The following GLIS3 variants were observed in gnomAD, a reference collection of about 807,000 sequenced individuals.
GLIS3 encodes the protein GLIS family zinc finger 3.
Under a neutral mutation model 78.6 loss-of-function variants are expected in GLIS3, and 53 were observed. That is an observed-to-expected ratio of 0.67 (90% CI 0.54 to 0.85). The LOEUF is 0.85. GLIS3 is among the 40% of genes least tolerant of loss of function. The pLI is 0.00. For missense variants in GLIS3, 1,703 were observed against 1,231.1 expected (o/e 1.38, Z -5.74); for synonymous variants, 684 against 509.9 (o/e 1.34, Z -4.60).
intron 4 of GLIS3, among the ~76,000 whole-genome samples, chr9:4,047,788 C>G (rs142864778): frequency 6.6e-6 from 1 of 152,098 alleles, no homozygotes. Flanking sequence ...AAGACATGAA[C>G]CTGGGTGTTA....
chr9:4,321,339 G>T (rs111605891), intron 2 of GLIS3, among the ~76,000 whole-genome samples: 13 of 123,668 alleles, frequency 1.1e-4, no homozygotes, highest in African/African-American at 4.5e-4. Flanking sequence ...GGAGAATGGC[G>T]TGAACCCAGG....
chr9:4,021,009 G>A (rs1226311186), intron 4 of GLIS3, among the ~76,000 whole-genome samples: 1 of 152,208 alleles, frequency 6.6e-6, no homozygotes, highest in Non-Finnish European at 1.5e-5. Flanking sequence ...CAGTTCAGAT[G>A]CAGGACTTGT....
At chr9:4,338,877 A>AT (rs531385807) in intron 2 of GLIS3, among the ~76,000 whole-genome samples, 27 of 151,974 alleles carry the variant, frequency 1.8e-4, no homozygotes, top group African/African-American at 2.2e-4. Flanking sequence ...GAGTCTTGGG[A>AT]TTTTTTTTAA....
intron 4 of GLIS3, among the ~76,000 whole-genome samples, chr9:4,043,392 G>C (rs1239400751): frequency 6.6e-6 from 1 of 152,120 alleles, no homozygotes; most frequent in Non-Finnish European, 1.5e-5. Flanking sequence ...AAGGCAGGTG[G>C]GGTGAGGGTG....
At chr9:4,209,963 T>C (rs1466302167) in intron 2 of GLIS3, among the ~76,000 whole-genome samples, 3 of 152,196 alleles carry the variant, frequency 2.0e-5, no homozygotes, top group Non-Finnish European at 2.9e-5. Context: ...ATCCGTAATG[T>C]TTTCCATCAA....
chr9:3,838,650 T>C (rs1818516787), intron 9 of GLIS3, among the ~76,000 whole-genome samples: 1 of 152,162 alleles, frequency 6.6e-6, no homozygotes, highest in Admixed American at 6.6e-5. Context: ...ACACTCCCTG[T>C]CTAGGTTAAA....
chr9:4,204,181 A>T (rs1445308135), intron 2 of GLIS3, among the ~76,000 whole-genome samples: 3 of 152,226 alleles, frequency 2.0e-5, no homozygotes, highest in African/African-American at 7.2e-5. Context: ...ACTATGAAGG[A>T]AAAGCACTAA....
intron 2 of GLIS3, among the ~76,000 whole-genome samples, chr9:4,179,315 T>C (rs1817086259): frequency 6.6e-6 from 1 of 152,160 alleles, no homozygotes; most frequent in Non-Finnish European, 1.5e-5. Flanking sequence ...CATGCATGCA[T>C]TTTCTTTAAA....
chr9:4,326,557 A>AT (rs963836234), intron 2 of GLIS3, among the ~76,000 whole-genome samples: 6 of 142,626 alleles, frequency 4.2e-5, no homozygotes, highest in Non-Finnish European at 9.6e-5. Flanking sequence ...AATGGGGGTT[A>AT]TTTTTTATAG....
At chr9:4,260,324 T>C (rs1290242386) in intron 2 of GLIS3, among the ~76,000 whole-genome samples, 6 of 152,124 alleles carry the variant, frequency 3.9e-5, no homozygotes, top group Admixed American at 2.0e-4. Context: ...CCCAGCACTT[T>C]GGGAGGCCGA....
At chr9:3,941,461 T>G (rs1815911640) in intron 4 of GLIS3, among the ~76,000 whole-genome samples, 1 of 152,226 alleles carries the variant, frequency 6.6e-6, no homozygotes, top group African/African-American at 2.4e-5. Context: ...TGTGCCATGC[T>G]GGTGCGCTGC....
intron 4 of GLIS3, among the ~76,000 whole-genome samples, chr9:4,046,732 G>A (rs1250534535): frequency 6.6e-6 from 1 of 152,142 alleles, no homozygotes; most frequent in Non-Finnish European, 1.5e-5. Context: ...CCAGGATAAT[G>A]CAGGAACTCT....
chr9:4,121,386 C>T (rs931326649), intron 3 of GLIS3, among the ~76,000 whole-genome samples: 2 of 152,094 alleles, frequency 1.3e-5, no homozygotes, highest in Admixed American at 1.3e-4. Flanking sequence ...TCATTTTTAT[C>T]TTCCCAGTGC....
intron 8 of GLIS3, among the ~76,000 whole-genome samples, chr9:3,871,961 T>A (rs1315973029): frequency 1.3e-5 from 2 of 152,266 alleles, no homozygotes; most frequent in Non-Finnish European, 2.9e-5. Context: ...TAAAACTGAA[T>A]GCTTTTAACA....
intron 2 of GLIS3, among the ~76,000 whole-genome samples, chr9:4,327,601 T>C (rs1817619925): frequency 6.6e-6 from 1 of 152,090 alleles, no homozygotes; most frequent in African/African-American, 2.4e-5. Context: ...AATTCTGAGC[T>C]CTCTGCTTTG....
chr9:4,387,399 T>G, the GLIS3 span, among the ~76,000 whole-genome samples: 1 of 152,290 alleles, frequency 6.6e-6, no homozygotes, highest in South Asian at 2.1e-4. Context: ...TCATTTTGGG[T>G]TTCCGATTTC....
intron 2 of GLIS3, among the ~76,000 whole-genome samples, chr9:4,255,083 A>T (rs1824791076): frequency 6.6e-6 from 1 of 152,246 alleles, no homozygotes; most frequent in South Asian, 2.1e-4. Flanking sequence ...CACCAGATAT[A>T]CAGATGTCAC....
chr9:4,031,046 T>A (rs1176172859), intron 4 of GLIS3, among the ~76,000 whole-genome samples: 1 of 152,156 alleles, frequency 6.6e-6, no homozygotes, highest in Non-Finnish European at 1.5e-5. Context: ...GCACTGCTGG[T>A]AGGAATGTAA....
At chr9:4,456,609 G>A in the GLIS3 span, among the ~76,000 whole-genome samples, 2 of 152,188 alleles carry the variant, frequency 1.3e-5, no homozygotes, top group African/African-American at 2.4e-5. Flanking sequence ...CTAGCTTTCA[G>A]CCTCTCTTGG....
Sources: allele counts gnomAD v4.1 joint callset (sites outside exome capture counted in the v4.1 genomes callset), GRCh38; gene constraint gnomAD v4.1.1; transcripts MANE v1.5; gene names NCBI Gene and HGNC (gene_info 2026-07-23, HGNC 2026-07-21).